LCP2: variants seen among roughly 807,000 people sequenced by gnomAD.
The protein encoded by LCP2 is 76 kDa tyrosine phosphoprotein.
A neutral mutation model predicts 74.5 loss-of-function variants in LCP2; 29 were observed. That is an observed-to-expected ratio of 0.39 (90% CI 0.29 to 0.53). The LOEUF is 0.53. LCP2 is among the 20% of genes least tolerant of loss of function. The pLI is 0.72. For missense variants in LCP2, 604 were observed against 634.6 expected (o/e 0.95, Z 0.52); for synonymous variants, 228 against 229.5 (o/e 0.99, Z 0.06).
chr5:170,262,558 C>A, intron 13 of LCP2, 77 bp downstream of exon 13: 1 of 1,098,114 alleles, frequency 9.1e-7, no homozygotes, highest in Admixed American at 2.3e-5. Flanking sequence ...GCCTCGGTTC[C>A]CACTGCAGAG....
chr5:170,269,329 G>A (rs907746782), intron 7 of LCP2, among the ~76,000 whole-genome samples: 4 of 152,218 alleles, frequency 2.6e-5, no homozygotes, highest in African/African-American at 9.7e-5. Flanking sequence ...TGAGTGGGTA[G>A]GGCCTCCTTA....
In LCP2 at chr5:170,253,106, C is replaced by A; in HGVS notation, c.1245+13G>T. 1 of 1,568,442 alleles carries A rather than the reference C, an allele frequency of 6.4e-7. No individual in the cohort carries two copies. Among genetic ancestry groups the A allele is most frequent in the Non-Finnish European group, 8.7e-7 (1 of 1,145,456 alleles). On this transcript the variant is annotated intron_variant, in intron 18 of 20. Transcript: ENST00000046794. The stretch of plus-strand genomic sequence containing the variant: ...AAAGGCAAACAAACAAAAATAAAAA[C>A]ATGCTCTCTTACCTCTTCCTCCGCG...
Position 170,248,498 on chromosome 5 carries a change from C to A in LCP2, c.*199G>T. ...GAACATGACTCATGCACTTTACAAA[C>A]ATTGAAGAAGAATAAATAAATTATG... On this transcript the variant is annotated 3_prime_UTR_variant, in exon 21 of 21. Transcript: ENST00000046794. The A allele has an allele frequency of 1.9e-6, 1 of 534,470 alleles. No homozygotes were observed. Among genetic ancestry groups the A allele is most frequent in the Non-Finnish European group, 3.3e-6 (1 of 302,070 alleles). 33.1% of individuals were successfully genotyped at this position (534,470 alleles called of 1,614,324 possible).
intron 14 of LCP2, 22 bp downstream of exon 14, chr5:170,261,085 C>G (rs2113164060): frequency 6.3e-7 from 1 of 1,577,470 alleles, no homozygotes; most frequent in Non-Finnish European, 8.7e-7. Context: ...CAAGCACTTA[C>G]AAACTGACAT....
At chr5:170,253,286 A>T in intron 17 of LCP2, 73 bp from the exon 18 acceptor site, 10 of 1,041,602 alleles carry the variant, frequency 9.6e-6, no homozygotes, top group Non-Finnish European at 1.4e-5. Flanking sequence ...CACAAAACAC[A>T]TTCCCCCCAC....
intron 2 of LCP2, among the ~76,000 whole-genome samples, chr5:170,289,615 CTTTTTCT>C (rs1279248231): frequency 7.9e-6 from 1 of 125,954 alleles, no homozygotes; most frequent in African/African-American, 3.0e-5. Context: ...TTCTTTCTTT[CTTTTTCT>C]TTCTTTCTTT....
chr5:170,295,834 G>A, intron 1 of LCP2, among the ~76,000 whole-genome samples: 1 of 152,160 alleles, frequency 6.6e-6, no homozygotes, highest in African/African-American at 2.4e-5. Context: ...TATGGCAGAA[G>A]AAGGAACCTG....
rs774779602 is a variant in LCP2 at position 170,275,366 on chromosome 5, A to G, written c.255-15T>C. On this transcript the variant is annotated splice_polypyrimidine_tract_variant and intron_variant, in intron 4 of 20. Transcript: ENST00000046794. ...GGACTTGGGGTCTGCAAAGGTAAAT[A>G]GCACTGCATTAATGGTCTTCTCGAT... 5.6e-6 allele frequency: 9 copies of G among 1,613,966 alleles called. No individual in the cohort carries two copies. Among genetic ancestry groups the G allele is most frequent in the East Asian group, 2.2e-5 (1 of 44,884 alleles).
intron 8 of LCP2, among the ~76,000 whole-genome samples, chr5:170,268,027 G>T (rs1329528679): frequency 6.6e-6 from 1 of 152,118 alleles, no homozygotes; most frequent in Non-Finnish European, 1.5e-5. Context: ...TCCTGTCCTT[G>T]GAATTTCAGG....
rs372947764 is a variant in LCP2 at position 170,278,765 on chromosome 5, G to A, written c.189-2905C>T. Among the ~76,000 whole-genome samples the A allele has an allele frequency of 1.6e-4, 25 of 152,220 alleles. No individual in the cohort carries two copies. The South Asian group carries it at 3.7e-3, about 23-fold the overall frequency. Reference sequence around the variant, plus strand: ...GCCAGGCTGGAGGCTGCCGGGGCTCGAATTGGGTGAGGAAGGAAATGTCAA... The same window carrying A: ...GCCAGGCTGGAGGCTGCCGGGGCTCAAATTGGGTGAGGAAGGAAATGTCAA... On this transcript the variant is annotated intron_variant, in intron 3 of 20. Coordinates refer to ENST00000046794, the MANE Select transcript of LCP2 (RefSeq NM_005565.5).
Position 170,247,783 on chromosome 5 carries a change from A to AT in LCP2, c.*913_*914insA, listed in dbSNP as rs1477937847. ...AGGAAAGTCTGATCACATTTAATCT[A>AT]AAGTGTTGCTCCCTCGTCTTCCCAG... On this transcript the variant is annotated 3_prime_UTR_variant, in exon 21 of 21. Transcript: ENST00000046794. The AT allele has an allele frequency of 6.6e-6, 1 of 152,198 alleles. No individual in the cohort carries two copies. Among genetic ancestry groups the AT allele is most frequent in the Non-Finnish European group, 1.5e-5 (1 of 68,054 alleles). The allele number at this position is 152,198 out of a possible 1,614,324, so 9.4% of individuals were successfully genotyped here.
At chr5:170,291,139 A>C (rs2113215403) in intron 2 of LCP2, among the ~76,000 whole-genome samples, 1 of 116,878 alleles carries the variant, frequency 8.6e-6, no homozygotes, top group Middle Eastern at 4.7e-3. Flanking sequence ...AGGGGAGGAC[A>C]AGGGAAGGGG....
rs545546831 is a variant in LCP2, at chr5:170,279,637, C to T, written c.189-3777G>A. Among the ~76,000 whole-genome samples the T allele has an allele frequency of 6.6e-5, 10 of 152,164 alleles. 1 individual carries two copies. The highest frequency in any genetic ancestry group is 4.1e-4 in the South Asian group (2 of 4,828). ...GCTCAGTGACATCAACCGGCCCCCA[C>T]GTGATTTTTATTATCATCCAAAAAG... On this transcript the variant is annotated intron_variant, in intron 3 of 20. Coordinates refer to ENST00000046794, the MANE Select transcript of LCP2 (RefSeq NM_005565.5).
chr5:170,284,456 CTT>C (rs35804432), intron 3 of LCP2, among the ~76,000 whole-genome samples: 1,937 of 145,732 alleles, frequency 0.013, 46 homozygotes, highest in African/African-American at 0.045. Flanking sequence ...TGTAATATGT[CTT>C]TTTTTTTTTT....
intron 3 of LCP2, among the ~76,000 whole-genome samples, chr5:170,282,751 A>G (rs1425403759): frequency 6.6e-6 from 1 of 152,218 alleles, no homozygotes; most frequent in East Asian, 1.9e-4. Context: ...CATTATACAG[A>G]TAAGGAAGCT....
At chr5:170,255,285 G>A (rs1021615040) in intron 17 of LCP2, among the ~76,000 whole-genome samples, 3 of 152,090 alleles carry the variant, frequency 2.0e-5, no homozygotes, top group East Asian at 3.9e-4. Flanking sequence ...GTGGGATCTC[G>A]CCCCTCTATG....
intron 10 of LCP2, 97 bp downstream of exon 10, chr5:170,266,711 C>T (rs925220700): frequency 4.9e-6 from 5 of 1,024,518 alleles, no homozygotes; most frequent in African/African-American, 1.6e-5. Context: ...AGTATTGTGG[C>T]CATAGTTAAA....
At chr5:170,257,834 C>T (rs1437336247) in intron 16 of LCP2, among the ~76,000 whole-genome samples, 1 of 152,124 alleles carries the variant, frequency 6.6e-6, no homozygotes, top group East Asian at 1.9e-4. Flanking sequence ...ACCCCTCTCA[C>T]CTCAAGCAGA....
At chr5:170,296,396 T>C (rs1762385069) in intron 1 of LCP2, among the ~76,000 whole-genome samples, 1 of 152,196 alleles carries the variant, frequency 6.6e-6, no homozygotes, top group African/African-American at 2.4e-5. Flanking sequence ...AGAACAGCTG[T>C]GACTATAAAT....
Sources: allele counts gnomAD v4.1 joint callset (sites outside exome capture counted in the v4.1 genomes callset), GRCh38; gene constraint gnomAD v4.1.1; transcripts MANE v1.5; gene names NCBI Gene and HGNC (gene_info 2026-07-23, HGNC 2026-07-21).